Variants in TRPC4 observed in about 807,000 individuals in gnomAD.
The protein encoded by TRPC4 is short transient receptor potential channel 4.
Under a neutral mutation model 99.4 loss-of-function variants are expected in TRPC4, and 49 were observed. The observed-to-expected ratio is 0.49, with a 90% confidence interval of 0.39 to 0.63. The LOEUF (loss-of-function observed/expected upper bound fraction) is 0.63, where lower values mean the gene tolerates loss of function less well. Ranked by LOEUF, TRPC4 falls within the 20% of genes least tolerant of loss-of-function variation. TRPC4 has a pLI of 0.00. For synonymous variants in TRPC4, 454 were observed against 425.9 expected (o/e 1.07, Z -0.81); for missense variants, 898 against 1,152.9 (o/e 0.78, Z 3.20).
intron 1 of TRPC4, among the ~76,000 whole-genome samples, chr13:37,796,340 T>C (rs1377747856): frequency 6.6e-6 from 1 of 152,192 alleles, no homozygotes; most frequent in Non-Finnish European, 1.5e-5. Flanking sequence ...TAGTGTCCCA[T>C]GCAATGAATA....
chr13:37,749,936 C>T (rs1379902823), intron 2 of TRPC4, among the ~76,000 whole-genome samples: 2 of 152,028 alleles, frequency 1.3e-5, no homozygotes, highest in Non-Finnish European at 2.9e-5. Flanking sequence ...GTAACACAAC[C>T]CAGATTAAAA....
At chr13:37,868,921 C>T (rs1959961694) in intron 1 of TRPC4, among the ~76,000 whole-genome samples, 1 of 152,124 alleles carries the variant, frequency 6.6e-6, no homozygotes, top group African/African-American at 2.4e-5. Flanking sequence ...ACAGCTGGAA[C>T]AACAAGTTGT....
At chr13:37,809,357 C>T (rs980375377) in intron 1 of TRPC4, among the ~76,000 whole-genome samples, 1 of 151,826 alleles carries the variant, frequency 6.6e-6, no homozygotes, top group African/African-American at 2.4e-5. Flanking sequence ...ATCCTTATCC[C>T]GTAGTTGTTG....
intron 3 of TRPC4, among the ~76,000 whole-genome samples, chr13:37,710,972 A>AT (rs1410943902): frequency 2.0e-5 from 3 of 151,986 alleles, no homozygotes; most frequent in Non-Finnish European, 4.4e-5. Flanking sequence ...GCAAAGGCTG[A>AT]TTTTGTACTT....
chr13:37,840,933 T>A (rs932746226), intron 1 of TRPC4, among the ~76,000 whole-genome samples: 1 of 152,084 alleles, frequency 6.6e-6, no homozygotes, highest in South Asian at 2.1e-4. Context: ...TCATTCCTAA[T>A]GGTATTATTT....
At position 37,797,054 on chromosome 13, in the gene TRPC4, C is replaced by T. The variant is rs1047725988; in HGVS notation, c.-27-13694G>A. Among the ~76,000 whole-genome samples the T allele has an allele frequency of 4.1e-5, 6 of 148,068 alleles. No homozygotes were observed. The East Asian group carries it at 9.8e-4, about 24-fold the overall frequency. Reference sequence around the variant, plus strand: ...AATTAGCTGGGCATGGTGGCTCACGCTTGTAATCCCAGCACTTCGAGAGAC... The same window carrying T: ...AATTAGCTGGGCATGGTGGCTCACGTTTGTAATCCCAGCACTTCGAGAGAC... On this transcript the variant is annotated intron_variant, in intron 1 of 10. Coordinates refer to ENST00000379705, the MANE Select transcript of TRPC4 (RefSeq NM_016179.4).
intron 1 of TRPC4, among the ~76,000 whole-genome samples, chr13:37,829,095 C>G (rs563277332): frequency 6.6e-6 from 1 of 152,022 alleles, no homozygotes; most frequent in Non-Finnish European, 1.5e-5. Context: ...CACAAGCAAC[C>G]AAAGAAAAAA....
intron 1 of TRPC4, among the ~76,000 whole-genome samples, chr13:37,825,189 GTCTA>G (rs1310263686): frequency 6.6e-6 from 1 of 152,014 alleles, no homozygotes; most frequent in Non-Finnish European, 1.5e-5. Context: ...CTTGCTAGTG[GTCTA>G]TCTATTTTGT....
At chr13:37,735,251 T>C (rs1955360194) in intron 3 of TRPC4, among the ~76,000 whole-genome samples, 1 of 152,114 alleles carries the variant, frequency 6.6e-6, no homozygotes, top group Admixed American at 6.6e-5. Flanking sequence ...TTATGAGAAC[T>C]CAAGCAGAAG....
chr13:37,663,738 AAC>A lies in TRPC4; in HGVS notation c.1375-11_1375-10del. 1 of 1,587,552 alleles carries A rather than the reference AAC, an allele frequency of 6.3e-7. No homozygotes were observed. The highest frequency in any genetic ancestry group is 1.4e-5 in the African/African-American group (1 of 73,442). Reference sequence around the variant, plus strand: ...GGATTAAGGGCACTGTACTGGAAAAAACAGAGAAACAAAGGGAAAGTAAAACA... The same window carrying A: ...GGATTAAGGGCACTGTACTGGAAAAAAGAGAAACAAAGGGAAAGTAAAACA... On this transcript the variant is annotated splice_polypyrimidine_tract_variant and intron_variant, in intron 5 of 10. Coordinates refer to ENST00000379705, the MANE Select transcript of TRPC4 (RefSeq NM_016179.4).
chr13:37,699,453 G>A (rs984475730), intron 3 of TRPC4, among the ~76,000 whole-genome samples: 6 of 152,130 alleles, frequency 3.9e-5, no homozygotes, highest in African/African-American at 1.4e-4. Flanking sequence ...TGAAGCATAA[G>A]GGAATACCAA....
chr13:37,719,588 G>T (rs1954796753), intron 3 of TRPC4, among the ~76,000 whole-genome samples: 1 of 152,060 alleles, frequency 6.6e-6, no homozygotes, highest in South Asian at 2.1e-4. Flanking sequence ...AATGTGTAAA[G>T]CAAAAATTAA....
At chr13:37,863,959 G>C (rs1039626378) in intron 1 of TRPC4, among the ~76,000 whole-genome samples, 3 of 151,596 alleles carry the variant, frequency 2.0e-5, no homozygotes, top group Non-Finnish European at 4.4e-5. Flanking sequence ...TATGATCCCG[G>C]TATGCAAATT....
At chr13:37,714,276 GC>G (rs1031057692) in intron 3 of TRPC4, among the ~76,000 whole-genome samples, 4 of 151,938 alleles carry the variant, frequency 2.6e-5, no homozygotes, top group African/African-American at 9.7e-5. Flanking sequence ...ACAGTCATGT[GC>G]CACCATGCCC....
intron 2 of TRPC4, among the ~76,000 whole-genome samples, chr13:37,762,574 G>A (rs2139246095): frequency 6.6e-6 from 1 of 151,468 alleles, no homozygotes; most frequent in East Asian, 2.0e-4. Flanking sequence ...GTATGGACAT[G>A]GATGAAATTG....
chr13:37,856,050 T>C (rs1959171526), intron 1 of TRPC4, among the ~76,000 whole-genome samples: 1 of 151,410 alleles, frequency 6.6e-6, no homozygotes, highest in Admixed American at 6.6e-5. Flanking sequence ...ATAAATGAAA[T>C]TGAAATTAAG....
At chr13:37,802,351 G>A (rs1957427005) in intron 1 of TRPC4, among the ~76,000 whole-genome samples, 1 of 152,086 alleles carries the variant, frequency 6.6e-6, no homozygotes, top group South Asian at 2.1e-4. Flanking sequence ...ATACCACATT[G>A]CATTAGTCAT....
intron 4 of TRPC4, among the ~76,000 whole-genome samples, chr13:37,691,391 A>G (rs1416550920): frequency 1.3e-5 from 2 of 152,228 alleles, no homozygotes; most frequent in African/African-American, 4.8e-5. Context: ...GGCATGAGCC[A>G]CTGCACCCGG....
intron 7 of TRPC4, among the ~76,000 whole-genome samples, chr13:37,651,952 C>T (rs139969210): frequency 3.9e-5 from 6 of 152,338 alleles, no homozygotes; most frequent in South Asian, 2.1e-4. Context: ...TGCCCACCTT[C>T]GGCCAATAGA....
Sources: gnomAD v4.1 joint callset for allele counts (sites outside exome capture counted in the v4.1 genomes callset) on GRCh38, gnomAD v4.1.1 for gene constraint, MANE v1.5 for transcripts, NCBI Gene and HGNC (gene_info 2026-07-23, HGNC 2026-07-21) for gene names.